CDH12: variants seen among roughly 807,000 people sequenced by gnomAD.
CDH12 encodes the protein cadherin 12, also known as cadherin-12.
A neutral mutation model predicts 74.1 loss-of-function variants in CDH12; 41 were observed. The observed-to-expected ratio is 0.55, with a 90% CI of 0.43 to 0.72. The LOEUF is 0.72. CDH12 is among the 30% of genes least tolerant of loss of function. The pLI is 0.00. For missense variants in CDH12, 945 were observed against 977.2 expected, an observed-to-expected ratio of 0.97 and a Z score of 0.44; for synonymous variants, 399 against 355.0, an observed-to-expected ratio of 1.12 and a Z score of -1.39.
At chr5:22,217,360 T>G (rs1197085814) in intron 3 of CDH12, among the ~76,000 whole-genome samples, 1 of 151,814 alleles carries the variant, frequency 6.6e-6, no homozygotes. Context: ...TGATTGAGAA[T>G]TATCTTAAAA....
chr5:22,786,795 T>C (rs1160613275), intron 1 of CDH12, among the ~76,000 whole-genome samples: 1 of 151,940 alleles, frequency 6.6e-6, no homozygotes, highest in Non-Finnish European at 1.5e-5. Flanking sequence ...CTCAGCCCAC[T>C]GCAACCTCCG....
chr5:22,165,907 G>A (rs1478795614), intron 4 of CDH12, among the ~76,000 whole-genome samples: 3 of 152,166 alleles, frequency 2.0e-5, no homozygotes, highest in African/African-American at 4.8e-5. Context: ...CTGTAAAGGG[G>A]AGGCATGAAT....
chr5:22,644,600 G>T (rs2126875475), intron 1 of CDH12, among the ~76,000 whole-genome samples: 1 of 152,066 alleles, frequency 6.6e-6, no homozygotes, highest in Non-Finnish European at 1.5e-5. Context: ...ACATGAAAGT[G>T]CAAGATAAGG....
intron 1 of CDH12, among the ~76,000 whole-genome samples, chr5:22,669,827 T>G (rs1740813470): frequency 6.6e-6 from 1 of 152,234 alleles, no homozygotes; most frequent in Admixed American, 6.5e-5. Context: ...GATTTCTGTT[T>G]CATGTTATGA....
chr5:21,922,689 A>C (rs1002817262), intron 6 of CDH12, among the ~76,000 whole-genome samples: 3 of 152,162 alleles, frequency 2.0e-5, no homozygotes, highest in Non-Finnish European at 4.4e-5. Flanking sequence ...CTTTGCATGC[A>C]GAACAGTTAC....
In CDH12 at chr5:21,914,697, T is replaced by A. The variant is rs116174316; in HGVS notation, c.527-59907A>T. The stretch of plus-strand genomic sequence containing the variant: ...CTATTTTTGCCCTTATAACTTGAAC[T>A]GATTGGATAAAGCCACCCACATTAT... On this transcript the variant is annotated intron_variant, in intron 6 of 14. Coordinates refer to ENST00000382254, the MANE Select transcript of CDH12 (RefSeq NM_004061.5). Among the ~76,000 whole-genome samples, 668 of 152,292 alleles carry A rather than the reference T, an allele frequency of 4.4e-3. 7 individuals are homozygous for A. The highest frequency in any genetic ancestry group is 0.015 in the African/African-American group (632 of 41,576).
At chr5:22,635,324 A>G (rs1738784395) in intron 1 of CDH12, among the ~76,000 whole-genome samples, 1 of 152,160 alleles carries the variant, frequency 6.6e-6, no homozygotes, top group Admixed American at 6.5e-5. Flanking sequence ...TTCATTCTCA[A>G]CCTAGATTCA....
intron 1 of CDH12, among the ~76,000 whole-genome samples, chr5:22,843,113 G>A (rs992380537): frequency 2.0e-5 from 3 of 152,028 alleles, no homozygotes; most frequent in Non-Finnish European, 4.4e-5. Flanking sequence ...AACCATTAAT[G>A]AATATATCTT....
intron 5 of CDH12, among the ~76,000 whole-genome samples, chr5:21,986,478 C>T (rs1757520321): frequency 6.6e-6 from 1 of 152,146 alleles, no homozygotes; most frequent in Admixed American, 6.6e-5. Flanking sequence ...GGAGAGGTCA[C>T]TGGCTTGGAC....
chr5:22,117,847 C>A (rs149242609), intron 4 of CDH12, among the ~76,000 whole-genome samples: 1 of 151,518 alleles, frequency 6.6e-6, no homozygotes, highest in East Asian at 2.0e-4. Context: ...ATGAGAAAAC[C>A]TTCCCTTGTT....
intron 6 of CDH12, among the ~76,000 whole-genome samples, chr5:21,861,616 A>T (rs1365841202): frequency 6.6e-6 from 1 of 152,068 alleles, no homozygotes; most frequent in African/African-American, 2.4e-5. Context: ...ATTTTTAACC[A>T]ATTTCCTTTC....
intron 4 of CDH12, among the ~76,000 whole-genome samples, chr5:22,164,097 T>C (rs766808298): frequency 3.6e-4 from 55 of 152,196 alleles, no homozygotes; most frequent in Non-Finnish European, 6.6e-4. Context: ...AAGACTCTCA[T>C]CCTAGTGTTA....
At chr5:22,448,211 A>C (rs536282275) in intron 2 of CDH12, among the ~76,000 whole-genome samples, 1 of 151,794 alleles carries the variant, frequency 6.6e-6, no homozygotes, top group African/African-American at 2.4e-5. Flanking sequence ...ATAAGAAATT[A>C]AGCATTACAA....
intron 8 of CDH12, among the ~76,000 whole-genome samples, chr5:21,817,586 G>T (rs903746969): frequency 2.0e-5 from 3 of 151,618 alleles, no homozygotes; most frequent in Non-Finnish European, 4.4e-5. Flanking sequence ...GAAAGTTGAG[G>T]TTATATTTCC....
intron 6 of CDH12, among the ~76,000 whole-genome samples, chr5:21,859,550 A>G (rs1750926677): frequency 6.6e-6 from 1 of 151,898 alleles, no homozygotes; most frequent in Non-Finnish European, 1.5e-5. Context: ...TCACCAGTCC[A>G]GAAATCAAAG....
At chr5:22,339,041 G>A (rs1230131040) in intron 3 of CDH12, among the ~76,000 whole-genome samples, 1 of 152,212 alleles carries the variant, frequency 6.6e-6, no homozygotes, top group Non-Finnish European at 1.5e-5. Context: ...ACAAAGTCCA[G>A]TGATACCTTC....
intron 6 of CDH12, among the ~76,000 whole-genome samples, chr5:21,893,369 A>G (rs7733644): frequency 0.65 from 99,308 of 152,062 alleles, 36,157 homozygotes; most frequent in Non-Finnish European, 0.8. Context: ...AACAAAATGA[A>G]GTCCAGAAAG....
In CDH12 at chr5:21,975,180, A is replaced by G; in HGVS notation, c.437T>C (p.Phe146Ser). ...ATTAATATCCTGCACTTTGATGATGAATTCTGATTCAGGCTCCAGGGGCTT... is the reference window on the plus strand; with the variant it reads ...ATTAATATCCTGCACTTTGATGATGGATTCTGATTCAGGCTCCAGGGGCTT... ...TRKPLEPESE[F>S]IIKVQDINDN... The change falls in exon 6 of 15, where the codon TTC becomes TCC. Residue 146 changes from phenylalanine to serine, a missense_variant. Transcript: ENST00000382254. 6.3e-7 allele frequency: 1 copy of G among 1,596,938 alleles called. No individual in the cohort carries two copies. Among genetic ancestry groups the G allele is most frequent in the Non-Finnish European group, 8.5e-7 (1 of 1,179,278 alleles).
chr5:22,551,568 A>C (rs955569991), intron 1 of CDH12, among the ~76,000 whole-genome samples: 1 of 152,132 alleles, frequency 6.6e-6, no homozygotes, highest in Non-Finnish European at 1.5e-5. Context: ...GGGCCACCAC[A>C]CTAAGAAAAG....
Sources: allele counts gnomAD v4.1 joint callset (sites outside exome capture counted in the v4.1 genomes callset), GRCh38; gene constraint gnomAD v4.1.1; transcripts MANE v1.5; gene names NCBI Gene and HGNC (gene_info 2026-07-23, HGNC 2026-07-21).